Variants in TOX3 observed in about 807,000 individuals in gnomAD.
TOX3 encodes the protein TOX high mobility group box family member 3.
A neutral mutation model predicts 64.3 loss-of-function variants in TOX3; 22 were observed. That is an observed-to-expected ratio of 0.34 (90% CI 0.24 to 0.49). TOX3 has a LOEUF of 0.49. TOX3 is among the 20% of genes least tolerant of loss of function. The pLI is 0.99. For missense variants in TOX3, 661 were observed against 714.4 expected, an observed-to-expected ratio of 0.93 and a Z score of 0.85; for synonymous variants, 291 against 273.6, an observed-to-expected ratio of 1.06 and a Z score of -0.63.
chr16:52,507,550 A>T (rs1962191454), intron 1 of TOX3, among the ~76,000 whole-genome samples: 1 of 152,238 alleles, frequency 6.6e-6, no homozygotes, highest in Non-Finnish European at 1.5e-5. Context: ...ACCTTAAAGG[A>T]GGTAACTGAA....
chr16:52,454,752 A>G (rs1235453146), intron 3 of TOX3, among the ~76,000 whole-genome samples: 2 of 152,214 alleles, frequency 1.3e-5, no homozygotes, highest in Admixed American at 6.5e-5. Context: ...AGAGAAGGCA[A>G]TATATCAAAC....
At chr16:52,465,979 T>G (rs1327484833) in intron 2 of TOX3, among the ~76,000 whole-genome samples, 2 of 152,182 alleles carry the variant, frequency 1.3e-5, no homozygotes, top group African/African-American at 4.8e-5. Context: ...GTGGAACCCC[T>G]AGTTCCCAAA....
At chr16:52,463,430 A>G (rs40839) in intron 3 of TOX3, among the ~76,000 whole-genome samples, 102,315 of 152,116 alleles carry the variant, frequency 0.67, 35,887 homozygotes, top group East Asian at 0.87. Flanking sequence ...TCACATAATC[A>G]CTTGTTCTAT....
intron 3 of TOX3, among the ~76,000 whole-genome samples, chr16:52,454,783 G>C (rs377190728): frequency 6.6e-6 from 1 of 152,110 alleles, no homozygotes; most frequent in Non-Finnish European, 1.5e-5. Context: ...TGAGAACCAG[G>C]AAATTACCAT....
intron 1 of TOX3, among the ~76,000 whole-genome samples, chr16:52,525,669 A>C (rs533975084): frequency 2.2e-4 from 33 of 152,290 alleles, no homozygotes; most frequent in African/African-American, 7.5e-4. Flanking sequence ...GCACATGCCA[A>C]AATGCAAGTG....
intron 1 of TOX3, among the ~76,000 whole-genome samples, chr16:52,485,064 AACAC>A (rs1961476447): frequency 6.9e-6 from 1 of 145,508 alleles, no homozygotes; most frequent in African/African-American, 2.6e-5. Flanking sequence ...CACACACACA[AACAC>A]ACACATATAT....
intron 3 of TOX3, among the ~76,000 whole-genome samples, chr16:52,457,278 C>T (rs1009558919): frequency 1.3e-5 from 2 of 152,130 alleles, no homozygotes; most frequent in Non-Finnish European, 2.9e-5. Flanking sequence ...AAATATTACA[C>T]ATTATTATTC....
chr16:52,521,448 GA>G (rs397854697), intron 1 of TOX3, among the ~76,000 whole-genome samples: 2,011 of 145,998 alleles, frequency 0.014, 59 homozygotes, highest in African/African-American at 0.047. Context: ...TATTCAGCTG[GA>G]AAAAAAAAAA....
At chr16:52,446,784 A>G (rs977709103) in intron 4 of TOX3, among the ~76,000 whole-genome samples, 8 of 152,176 alleles carry the variant, frequency 5.3e-5, no homozygotes, top group African/African-American at 1.9e-4. Flanking sequence ...TACTTGCAGC[A>G]TTAGGAAAAG....
chr16:52,455,404 G>A (rs1960485188), intron 3 of TOX3, among the ~76,000 whole-genome samples: 1 of 152,000 alleles, frequency 6.6e-6, no homozygotes, highest in South Asian at 2.1e-4. Context: ...CAACCAAAAT[G>A]TATACAGACA....
At chr16:52,468,643 G>T (rs1331172422) in intron 1 of TOX3, 69 bp from the exon 2 acceptor site, 4 of 1,269,230 alleles carry the variant, frequency 3.2e-6, no homozygotes, top group African/African-American at 1.5e-5. Flanking sequence ...GATTTGGAAA[G>T]AATGCTGGTG....
intron 1 of TOX3, among the ~76,000 whole-genome samples, chr16:52,536,732 G>A (rs1255283673): frequency 3.5e-5 from 5 of 142,806 alleles, no homozygotes; most frequent in African/African-American, 1.3e-4. Context: ...TACAGCCACT[G>A]AGAATCTTAT....
At chr16:52,464,295 G>C (rs2151756044) in intron 2 of TOX3, 107 bp from the exon 3 acceptor site, 1 of 1,168,836 alleles carries the variant, frequency 8.6e-7, no homozygotes, top group East Asian at 2.8e-5. Context: ...TACATATCTA[G>C]GCCAAATATT....
intron 2 of TOX3, among the ~76,000 whole-genome samples, chr16:52,465,881 A>T (rs1263733421): frequency 6.6e-6 from 1 of 152,198 alleles, no homozygotes; most frequent in African/African-American, 2.4e-5. Context: ...ATCGTAGCAG[A>T]ATAATACATT....
rs552613820 is a variant in TOX3, at chr16:52,468,405, C to T, written c.153+104G>A. 1.1e-3 allele frequency: 1,133 copies of T among 1,031,432 alleles called. 19 individuals carry two copies. The South Asian group carries it at 0.016, about 15-fold the overall frequency. The allele number at this position is 1,031,432 out of a possible 1,614,324, so 63.9% of individuals were successfully genotyped here. On this transcript the variant is annotated intron_variant, in intron 2 of 6. Transcript: ENST00000219746. ...CCTCCAAAGTAGTTACCTTGTGCCACATAAGAGAGAGATAAATTTGATACT... is the reference window on the plus strand; with the variant it reads ...CCTCCAAAGTAGTTACCTTGTGCCATATAAGAGAGAGATAAATTTGATACT...
At chr16:52,452,909 T>A (rs1960398188) in intron 3 of TOX3, among the ~76,000 whole-genome samples, 2 of 152,194 alleles carry the variant, frequency 1.3e-5, no homozygotes, top group African/African-American at 4.8e-5. Context: ...CCGGCAGTGT[T>A]CTCCTTCGTT....
At chr16:52,545,051 C>A (rs1200838627) in intron 1 of TOX3, among the ~76,000 whole-genome samples, 1 of 152,198 alleles carries the variant, frequency 6.6e-6, no homozygotes, top group Admixed American at 6.5e-5. Context: ...TAGGTAGATT[C>A]TCAGAAACAC....
rs1963216116 is a variant in TOX3, at chr16:52,547,131, G to GAGCCGCGGAGACA, written c.-409_-408insTGTCTCCGCGGCT. On this transcript the variant is annotated 5_prime_UTR_variant, in exon 1 of 7. Transcript: ENST00000219746. ...TCCTCCCCGGGCGGACTGAGGAGAC[G>GAGCCGCGGAGACA]AGCCGCGGAGACAAGGGGCCCGGCC... The GAGCCGCGGAGACA allele has an allele frequency of 5.6e-6, 1 of 179,108 alleles. No individual in the cohort carries two copies. Among genetic ancestry groups the GAGCCGCGGAGACA allele is most frequent in the African/African-American group, 2.4e-5 (1 of 40,958 alleles). The allele number at this position is 179,108 out of a possible 1,614,324, so 11.1% of individuals were successfully genotyped here. A position where few individuals can be genotyped will look rare whatever the true frequency, so the allele number is the denominator to read the frequency against.
chr16:52,543,632 T>C (rs1963119951), intron 1 of TOX3, among the ~76,000 whole-genome samples: 1 of 152,208 alleles, frequency 6.6e-6, no homozygotes, highest in South Asian at 2.1e-4. Flanking sequence ...CTACTTGAAA[T>C]TAAAATGGAA....
Sources: allele counts gnomAD v4.1 joint callset (sites outside exome capture counted in the v4.1 genomes callset), GRCh38; gene constraint gnomAD v4.1.1; transcripts MANE v1.5; gene names NCBI Gene and HGNC (gene_info 2026-07-23, HGNC 2026-07-21).